CCDC85A: variants seen among roughly 807,000 people sequenced by gnomAD.
CCDC85A encodes coiled-coil domain containing 85A.
Under a neutral mutation model 50.2 loss-of-function variants are expected in CCDC85A, and 38 were observed. The observed-to-expected ratio is 0.76, with a 90% CI of 0.58 to 0.99. The LOEUF (loss-of-function observed/expected upper bound fraction) is 0.99. Among genes scored for constraint, CCDC85A ranks in the 50% least tolerant of loss-of-function variants. The pLI is 0.00. For missense variants in CCDC85A, 820 were observed against 742.0 expected, an observed-to-expected ratio of 1.11 and a Z score of -1.22; for synonymous variants, 366 against 301.4, an observed-to-expected ratio of 1.21 and a Z score of -2.22.
chr2:56,354,303 G>A (rs1289200311), intron 3 of CCDC85A, among the ~76,000 whole-genome samples: 1 of 152,162 alleles, frequency 6.6e-6, no homozygotes, highest in Non-Finnish European at 1.5e-5. Flanking sequence ...ATGACAAAGA[G>A]ACGACAAAGA....
intron 2 of CCDC85A, among the ~76,000 whole-genome samples, chr2:56,268,714 ATATT>A (rs1238977370): frequency 2.6e-5 from 4 of 152,106 alleles, no homozygotes; most frequent in Non-Finnish European, 4.4e-5. Context: ...TTATCACAAA[ATATT>A]TAGGAAGATT....
intron 2 of CCDC85A, among the ~76,000 whole-genome samples, chr2:56,230,634 C>G (rs1236525961): frequency 6.6e-6 from 1 of 152,220 alleles, no homozygotes; most frequent in Non-Finnish European, 1.5e-5. Context: ...GTTACCTCCT[C>G]TGAGAGTCCT....
chr2:56,339,286 C>T (rs1290715393), intron 2 of CCDC85A, among the ~76,000 whole-genome samples: 1 of 152,124 alleles, frequency 6.6e-6, no homozygotes, highest in East Asian at 1.9e-4. Context: ...CTGTCTCTTC[C>T]TGTCCCAGCC....
intron 2 of CCDC85A, among the ~76,000 whole-genome samples, chr2:56,254,352 G>A (rs554355373): frequency 6.6e-6 from 1 of 152,232 alleles, no homozygotes; most frequent in South Asian, 2.1e-4. Context: ...GGTGGTGGTA[G>A]CAGTGGTATC....
intron 5 of CCDC85A, among the ~76,000 whole-genome samples, chr2:56,380,668 C>G (rs890007004): frequency 6.6e-6 from 1 of 151,924 alleles, no homozygotes; most frequent in African/African-American, 2.4e-5. Context: ...GTTATTTTCA[C>G]GTGCATATTC....
At chr2:56,332,475 T>C (rs1264380437) in intron 2 of CCDC85A, among the ~76,000 whole-genome samples, 3 of 152,178 alleles carry the variant, frequency 2.0e-5, no homozygotes, top group Non-Finnish European at 4.4e-5. Flanking sequence ...AAGGTGTTAA[T>C]CCTATTCTCT....
chr2:56,187,733 T>C (rs1676113326), intron 1 of CCDC85A, among the ~76,000 whole-genome samples: 1 of 152,206 alleles, frequency 6.6e-6, no homozygotes, highest in African/African-American at 2.4e-5. Context: ...TGACATTCTT[T>C]GCTTAGAATG....
At chr2:56,248,653 G>A (rs1034674983) in intron 2 of CCDC85A, among the ~76,000 whole-genome samples, 1 of 152,198 alleles carries the variant, frequency 6.6e-6, no homozygotes, top group Non-Finnish European at 1.5e-5. Context: ...AAGTCAGAGT[G>A]AGGAGTTAGG....
chr2:56,222,424 C>T (rs928576586), intron 2 of CCDC85A, among the ~76,000 whole-genome samples: 1 of 152,024 alleles, frequency 6.6e-6, no homozygotes, highest in Admixed American at 6.6e-5. Context: ...AGACCAAAGA[C>T]GTGGAATGCA....
intron 2 of CCDC85A, among the ~76,000 whole-genome samples, chr2:56,341,113 T>C (rs1674345996): frequency 1.3e-5 from 2 of 152,290 alleles, no homozygotes; most frequent in Non-Finnish European, 2.9e-5. Context: ...GAGGGGAGCA[T>C]GTGCAGTGTG....
intron 2 of CCDC85A, among the ~76,000 whole-genome samples, chr2:56,242,970 G>A (rs1160122315): frequency 6.6e-6 from 1 of 151,986 alleles, no homozygotes; most frequent in East Asian, 1.9e-4. Context: ...TTATTCTTCT[G>A]CAAGTGGATA....
At chr2:56,304,652 T>C (rs572434520) in intron 2 of CCDC85A, among the ~76,000 whole-genome samples, 2 of 152,312 alleles carry the variant, frequency 1.3e-5, no homozygotes, top group Non-Finnish European at 2.9e-5. Flanking sequence ...CTGCTCACTC[T>C]CTAAACTTTT....
At chr2:56,376,361 A>T (rs1177980864) in intron 5 of CCDC85A, among the ~76,000 whole-genome samples, 1 of 152,208 alleles carries the variant, frequency 6.6e-6, no homozygotes, top group Non-Finnish European at 1.5e-5. Context: ...ACATTATGCA[A>T]CTTAAATAAA....
intron 2 of CCDC85A, among the ~76,000 whole-genome samples, chr2:56,328,292 C>T (rs2104284236): frequency 6.6e-6 from 1 of 152,152 alleles, no homozygotes; most frequent in African/African-American, 2.4e-5. Context: ...GAAATGCACC[C>T]AAGAGGAAGA....
chr2:56,245,092 T>C (rs1669442162), intron 2 of CCDC85A, among the ~76,000 whole-genome samples: 1 of 152,190 alleles, frequency 6.6e-6, no homozygotes, highest in African/African-American at 2.4e-5. Flanking sequence ...CACTAGGTCA[T>C]GTGCCCCACA....
At chr2:56,302,426 T>G (rs1672252720) in intron 2 of CCDC85A, among the ~76,000 whole-genome samples, 1 of 152,054 alleles carries the variant, frequency 6.6e-6, no homozygotes, top group Admixed American at 6.6e-5. Context: ...GGAATTGAGC[T>G]CAAGGGGAAA....
intron 3 of CCDC85A, among the ~76,000 whole-genome samples, chr2:56,347,007 G>T (rs1178477690): frequency 6.6e-6 from 1 of 152,190 alleles, no homozygotes; most frequent in Admixed American, 6.5e-5. Flanking sequence ...AATCCAGTGA[G>T]ATGGAGTCAC....
intron 2 of CCDC85A, among the ~76,000 whole-genome samples, chr2:56,336,191 T>TC: frequency 6.6e-6 from 1 of 151,608 alleles, no homozygotes; most frequent in East Asian, 1.9e-4. Flanking sequence ...TTCACTCTTG[T>TC]CCCCCCAGGC....
intron 2 of CCDC85A, among the ~76,000 whole-genome samples, chr2:56,319,219 G>C (rs1024207652): frequency 1.1e-4 from 17 of 152,070 alleles, no homozygotes; most frequent in African/African-American, 4.1e-4. Flanking sequence ...CAACCTTGTG[G>C]TGTAGGTACT....
Sources: allele counts gnomAD v4.1 joint callset (sites outside exome capture counted in the v4.1 genomes callset), GRCh38; gene constraint gnomAD v4.1.1; transcripts MANE v1.5; gene names NCBI Gene and HGNC (gene_info 2026-07-23, HGNC 2026-07-21).